PEX7: variants seen among roughly 807,000 people sequenced by gnomAD.
PEX7 encodes PTS2 receptor.
In PEX7, 34 loss-of-function variants were observed where a neutral mutation model predicts 47.5. The ratio of observed to expected loss-of-function variants is 0.72; its 90% CI spans 0.54 to 0.95. The LOEUF is 0.95. Ranked by LOEUF, PEX7 falls within the 40% of genes least tolerant of loss-of-function variation. The pLI is 0.00. For missense variants in PEX7, 394 were observed against 400.3 expected, an observed-to-expected ratio of 0.98 and a Z score of 0.13; for synonymous variants, 141 against 148.8, an observed-to-expected ratio of 0.95 and a Z score of 0.38.
At chr6:136,822,929 A>G (rs1448031697) in intron 1 of PEX7, 134 bp downstream of exon 1, 11 of 1,209,856 alleles carry the variant, frequency 9.1e-6, no homozygotes, top group African/African-American at 1.6e-5. Flanking sequence ...AGGGGGCAGA[A>G]GAGGCGCTGG....
chr6:136,880,395 C>T (rs1775355773), intron 8 of PEX7, among the ~76,000 whole-genome samples: 1 of 152,088 alleles, frequency 6.6e-6, no homozygotes, highest in Non-Finnish European at 1.5e-5. Flanking sequence ...AGTATTTTCA[C>T]TCATAGGATG....
chr6:136,866,518 C>A, intron 5 of PEX7, 109 bp from the exon 6 acceptor site: 1 of 881,040 alleles, frequency 1.1e-6, no homozygotes, highest in Non-Finnish European at 1.9e-6. Context: ...TGGCAATATC[C>A]TAACACTGAA....
chr6:136,866,533 G>C (rs565009340), intron 5 of PEX7, 94 bp from the exon 6 acceptor site: 14 of 994,516 alleles, frequency 1.4e-5, no homozygotes, highest in Non-Finnish European at 2.1e-5. Context: ...ACTGAAAGCA[G>C]TGTATTTTTA....
At chr6:136,846,906 G>A (rs9766409) in intron 5 of PEX7, among the ~76,000 whole-genome samples, 80,288 of 151,918 alleles carry the variant, frequency 0.53, 21,719 homozygotes, top group South Asian at 0.61. Flanking sequence ...AGATCCTTGA[G>A]GAATCGCCAC....
chr6:136,870,603 T>A, intron 7 of PEX7: 1 of 208,274 alleles, frequency 4.8e-6, no homozygotes, highest in Non-Finnish European at 9.9e-6. Flanking sequence ...TTAAGTGACA[T>A]CTCCCAATTT....
intron 3 of PEX7, among the ~76,000 whole-genome samples, chr6:136,828,974 G>A (rs1196116654): frequency 6.6e-6 from 1 of 152,144 alleles, no homozygotes; most frequent in Non-Finnish European, 1.5e-5. Context: ...TTTGCGTACT[G>A]CTATTCTAGT....
intron 3 of PEX7, among the ~76,000 whole-genome samples, chr6:136,828,031 G>A (rs1282760115): frequency 6.7e-6 from 1 of 149,414 alleles, no homozygotes; most frequent in African/African-American, 2.5e-5. Flanking sequence ...TAAATCTTTG[G>A]TGCCTTTTAT....
chr6:136,865,880 C>T (rs901990196), intron 5 of PEX7, among the ~76,000 whole-genome samples: 5 of 151,764 alleles, frequency 3.3e-5, no homozygotes, highest in African/African-American at 9.7e-5. Context: ...GTCAGGCAAT[C>T]GAGATCATCC....
At position 136,846,073 on chromosome 6, in the gene PEX7, T is replaced by G. The variant is rs1394407137; in HGVS notation, c.418T>G (p.Trp140Gly). 1 of 1,592,664 alleles carries G rather than the reference T, an allele frequency of 6.3e-7. No individual in the cohort carries two copies. Among genetic ancestry groups the G allele is most frequent in the Admixed American group, 1.7e-5 (1 of 59,964 alleles). Residue 140 changes from tryptophan to glycine, a missense_variant and splice_region_variant, in exon 5 of 10, where the codon TGG (tryptophan) becomes GGG (glycine). Coordinates refer to ENST00000318471, the MANE Select transcript of PEX7 (RefSeq NM_000288.4). ...SGSWDQTVKLWDPTVGKSLCT... is the reference protein window; with the variant it reads ...SGSWDQTVKLGDPTVGKSLCT... ...AATTGATCTATTCATTTATTTGTAG[T>G]GGGATCCAACTGTTGGAAAGTCTCT... is the stretch of plus-strand genomic sequence containing the variant.
At position 136,822,753 on chromosome 6, in the gene PEX7, G is replaced by T; in HGVS notation, c.88G>T (p.Gly30Cys). 6.7e-7 allele frequency: 1 copy of T among 1,482,442 alleles called. No individual in the cohort carries two copies. The highest frequency in any genetic ancestry group is 8.9e-7 in the Non-Finnish European group (1 of 1,123,550). The allele number at this position is 1,482,442 out of a possible 1,614,324, so 91.8% of individuals were successfully genotyped here. The change falls in exon 1 of 10, where the codon GGC becomes TGC. Residue 30 changes from glycine to cysteine, a missense_variant. Gly to Cys is a radical substitution (Grantham distance 159). Coordinates refer to ENST00000318471, the MANE Select transcript of PEX7 (RefSeq NM_000288.4). ...YAAEFSPYLP[G>C]RLACATAQHY... ...CGCCGAGTTCTCCCCGTACCTGCCG[G>T]GCCGCCTGGCCTGCGCCACCGCGCA... is the stretch of plus-strand genomic sequence containing the variant.
At chr6:136,876,955 A>G (rs946207809) in intron 8 of PEX7, among the ~76,000 whole-genome samples, 1 of 152,218 alleles carries the variant, frequency 6.6e-6, no homozygotes, top group African/African-American at 2.4e-5. Flanking sequence ...ACTCCCACCA[A>G]CAGTGTAAAA....
intron 8 of PEX7, among the ~76,000 whole-genome samples, chr6:136,877,296 T>C (rs539425035): frequency 6.6e-6 from 1 of 152,316 alleles, no homozygotes; most frequent in South Asian, 2.1e-4. Context: ...TTTGTTTTGC[T>C]GTACAGAAGC....
chr6:136,898,192 A>G lies in PEX7; in HGVS notation c.854A>G (p.His285Arg), dbSNP rs62653611. The change falls in exon 9 of 10, where the codon CAT becomes CGT. Residue 285 changes from histidine (H) to arginine (R), a missense_variant. Coordinates refer to ENST00000318471, the MANE Select transcript of PEX7 (RefSeq NM_000288.4). ...PDSLLETVEH[H>R]TEFTCGLDFS... Reference sequence around the variant, plus strand: ...TCTCTTCTTGAAACAGTGGAGCATCATACAGAGTTTACTTGTGGTTTAGAC... The same window carrying G: ...TCTCTTCTTGAAACAGTGGAGCATCGTACAGAGTTTACTTGTGGTTTAGAC... The G allele has an allele frequency of 1.9e-6, 3 of 1,612,796 alleles. No individual in the cohort carries two copies. The highest frequency in any genetic ancestry group is 2.5e-6 in the Non-Finnish European group (3 of 1,178,926).
chr6:136,830,317 T>C (rs1774270261), intron 3 of PEX7: 1 of 334,618 alleles, frequency 3.0e-6, no homozygotes, highest in East Asian at 5.1e-5. Flanking sequence ...GTTAGAACTT[T>C]TCCAGTTACC....
chr6:136,843,916 C>T (rs1774548002), intron 3 of PEX7, among the ~76,000 whole-genome samples: 1 of 151,272 alleles, frequency 6.6e-6, no homozygotes, highest in African/African-American at 2.4e-5. Flanking sequence ...AAGGGGGCCC[C>T]AAAAAACTTG....
In PEX7 at chr6:136,867,285, C is replaced by T. The variant is rs560626311; in HGVS notation, c.633+552C>T. ...GGATTAAATATGTGTTAATATACTA[C>T]AGTCATGCACTGCATAACAACATTT... On this transcript the variant is annotated intron_variant, in intron 6 of 9. Coordinates refer to ENST00000318471, the MANE Select transcript of PEX7 (RefSeq NM_000288.4). Among the ~76,000 whole-genome samples the T allele has an allele frequency of 5.3e-5, 8 of 152,218 alleles. No individual in the cohort carries two copies. In the East Asian group the frequency reaches 1.5e-3, roughly 29 times the overall value.
chr6:136,823,161 A>T (rs1774116081), intron 1 of PEX7: 1 of 985,312 alleles, frequency 1.0e-6, no homozygotes, highest in Non-Finnish European at 1.2e-6. Context: ...TCGGCACAGC[A>T]GTACGGGGAA....
At chr6:136,862,736 T>C (rs1774989914) in intron 5 of PEX7, among the ~76,000 whole-genome samples, 1 of 152,198 alleles carries the variant, frequency 6.6e-6, no homozygotes, top group Admixed American at 6.5e-5. Flanking sequence ...TTTTCAGTTA[T>C]AGTTCAGAAA....
At chr6:136,886,074 G>C (rs1775463322) in intron 8 of PEX7, among the ~76,000 whole-genome samples, 1 of 152,128 alleles carries the variant, frequency 6.6e-6, no homozygotes, top group South Asian at 2.1e-4. Context: ...TGTCTCCTTG[G>C]GCTTGAGGCC....
Sources: gnomAD v4.1 joint callset for allele counts (sites outside exome capture counted in the v4.1 genomes callset) on GRCh38, gnomAD v4.1.1 for gene constraint, MANE v1.5 for transcripts, NCBI Gene and HGNC (gene_info 2026-07-23, HGNC 2026-07-21) for gene names.